MSI2: variants seen among roughly 807,000 people sequenced by gnomAD.
The protein encoded by MSI2 is RNA-binding protein Musashi homolog 2.
Under a neutral mutation model 45.6 loss-of-function variants are expected in MSI2, and 17 were observed. The observed-to-expected ratio is 0.37, with a 90% CI of 0.26 to 0.56. MSI2 has a LOEUF of 0.56. MSI2 is among the 20% of genes least tolerant of loss of function. MSI2 has a pLI of 0.77. For synonymous variants in MSI2, 156 were observed against 158.2 expected, an observed-to-expected ratio of 0.99 and a Z score of 0.11; for missense variants, 293 against 444.2, an observed-to-expected ratio of 0.66 and a Z score of 3.06.
chr17:57,433,916 C>T (rs370807814), intron 6 of MSI2, among the ~76,000 whole-genome samples: 58 of 152,162 alleles, frequency 3.8e-4, no homozygotes, highest in African/African-American at 1.4e-3. Flanking sequence ...TGGGGAAATA[C>T]AATGTGATGT....
intron 5 of MSI2, among the ~76,000 whole-genome samples, chr17:57,385,420 C>T (rs1020187849): frequency 1.3e-5 from 2 of 152,180 alleles, no homozygotes; most frequent in Non-Finnish European, 2.9e-5. Flanking sequence ...GCCCTTCTCT[C>T]TTGTCTTCCT....
intron 5 of MSI2, among the ~76,000 whole-genome samples, chr17:57,286,596 C>T (rs975667769): frequency 6.6e-6 from 1 of 151,896 alleles, no homozygotes; most frequent in Non-Finnish European, 1.5e-5. Context: ...GAGGTGACCA[C>T]GTCATTGGTA....
Position 57,280,751 on chromosome 17 carries a change from ATACT to A in MSI2, c.312+18561_312+18564del, listed in dbSNP as rs553093671. The stretch of plus-strand genomic sequence containing the variant: ...ATATTTATTTATAAATGACATACAT[ATACT>A]TCTGTACTAAAATAGCATGCTCCTA... On this transcript the variant is annotated intron_variant, in intron 5 of 13. Coordinates refer to ENST00000284073, the MANE Select transcript of MSI2 (RefSeq NM_138962.4). This position sits in a 1 kb window ranked among gnomAD's most constrained non-coding sequence, Gnocchi z 4.2. 2.1e-3 allele frequency among the ~76,000 whole-genome samples: 325 copies of A among 152,348 alleles called. No individual in the cohort carries two copies. The highest frequency in any genetic ancestry group is 2.7e-3 in the Non-Finnish European group (185 of 68,036).
In MSI2 at chr17:57,313,328, G is replaced by A. The variant is rs367681947; in HGVS notation, c.312+51136G>A. On this transcript the variant is annotated intron_variant, in intron 5 of 13. Transcript: ENST00000284073. ...ACGTCCACACTCGGAAGATGGTAAA[G>A]CAACAGTCCAAATCTGCTTTCACTC... 2.9e-3 allele frequency among the ~76,000 whole-genome samples: 447 copies of A among 152,268 alleles called. 2 individuals are homozygous for A. Among genetic ancestry groups the A allele is most frequent in the Non-Finnish European group, 5.4e-3 (368 of 68,020 alleles).
intron 7 of MSI2, among the ~76,000 whole-genome samples, chr17:57,592,015 A>G (rs1227853350): frequency 6.6e-6 from 1 of 152,016 alleles, no homozygotes; most frequent in Non-Finnish European, 1.5e-5. Flanking sequence ...TCTACTAAAA[A>G]TACAAAATTA....
chr17:57,511,393 C>T (rs1214753345), intron 6 of MSI2, among the ~76,000 whole-genome samples: 3 of 152,200 alleles, frequency 2.0e-5, no homozygotes, highest in Non-Finnish European at 4.4e-5. Context: ...TACCGCCACC[C>T]ACCCCACACT....
Position 57,652,121 on chromosome 17 carries a change from A to G in MSI2, c.750A>G (p.Gly250=), listed in dbSNP as rs1368603384. 15 of 1,613,888 alleles carry G rather than the reference A, an allele frequency of 9.3e-6. No homozygotes were observed. Among genetic ancestry groups the G allele is most frequent in the Non-Finnish European group, 1.3e-5 (15 of 1,179,998 alleles). ...CAGGCTTCCCAGCAGCGGCTTATGG[A>G]CCAGTGGCAGCAGCGGCGGTGGCGG... ...QFPGFPAAAY[G]PVAAAAVAAA... Residue 250 remains glycine (G), a synonymous_variant, in exon 11 of 14, where the codon GGA becomes GGG. Coordinates refer to ENST00000284073, the MANE Select transcript of MSI2 (RefSeq NM_138962.4). The surrounding 1 kb of genome is among the most constrained non-coding windows in gnomAD (Gnocchi z 4.1).
intron 9 of MSI2, among the ~76,000 whole-genome samples, chr17:57,621,538 G>A (rs1160583877): frequency 6.6e-6 from 1 of 152,236 alleles, no homozygotes; most frequent in Non-Finnish European, 1.5e-5. Context: ...ACTTCAGGGA[G>A]CTGACATTCT....
At chr17:57,570,540 C>T (rs2087850356) in intron 7 of MSI2, among the ~76,000 whole-genome samples, 1 of 152,116 alleles carries the variant, frequency 6.6e-6, no homozygotes, top group African/African-American at 2.4e-5. Context: ...GCTGGAGACC[C>T]AAGTCGAATC....
At chr17:57,438,416 TCCTC>T (rs2084731760) in intron 6 of MSI2, among the ~76,000 whole-genome samples, 1 of 152,122 alleles carries the variant, frequency 6.6e-6, no homozygotes, top group African/African-American at 2.4e-5. Context: ...TACCCCTTCT[TCCTC>T]CATCCCCTCC....
Position 57,613,756 on chromosome 17 carries a change from C to A in MSI2, c.538-2214C>A, listed in dbSNP as rs183402640. Among the ~76,000 whole-genome samples, 379 of 152,304 alleles carry A rather than the reference C, an allele frequency of 2.5e-3. 3 individuals are homozygous for A. The highest frequency in any genetic ancestry group is 0.011 in the Admixed American group (175 of 15,292). On this transcript the variant is annotated intron_variant, in intron 8 of 13. Coordinates refer to ENST00000284073, the MANE Select transcript of MSI2 (RefSeq NM_138962.4). ...GTGAATTGTCTACTCCTGTCTTTTA[C>A]CCATGTCTGTTTTGGGATGCTCATC...
intron 12 of MSI2, among the ~76,000 whole-genome samples, chr17:57,676,215 TAC>T (rs1205038911): frequency 1.3e-5 from 2 of 152,204 alleles, no homozygotes; most frequent in Admixed American, 6.5e-5. Context: ...TCCTCCCTCA[TAC>T]ACACACTCAC....
chr17:57,513,425 C>T (rs559559582), intron 6 of MSI2, among the ~76,000 whole-genome samples: 1 of 152,328 alleles, frequency 6.6e-6, no homozygotes, highest in East Asian at 1.9e-4. Flanking sequence ...GAGTCTAGCT[C>T]TAGAGTTTCT....
intron 7 of MSI2, among the ~76,000 whole-genome samples, chr17:57,578,708 G>C (rs1221231903): frequency 6.6e-6 from 1 of 152,130 alleles, no homozygotes; most frequent in Non-Finnish European, 1.5e-5. Context: ...GGCCAGCAGT[G>C]TGGGTTGGTG....
chr17:57,349,691 A>T (rs1302196983), intron 5 of MSI2, among the ~76,000 whole-genome samples: 2 of 152,242 alleles, frequency 1.3e-5, no homozygotes, highest in African/African-American at 4.8e-5. Context: ...CAGTTTTATG[A>T]CAGGAGTCAA....
intron 5 of MSI2, among the ~76,000 whole-genome samples, chr17:57,311,782 C>T (rs1457031972): frequency 6.6e-6 from 1 of 152,098 alleles, no homozygotes; most frequent in African/African-American, 2.4e-5. Context: ...TCTCAAACTC[C>T]TGGCCTCAAG....
At chr17:57,275,494 A>G (rs1467615041) in intron 5 of MSI2, among the ~76,000 whole-genome samples, 1 of 152,216 alleles carries the variant, frequency 6.6e-6, no homozygotes, top group Non-Finnish European at 1.5e-5. Context: ...AGATTGGTAG[A>G]GCTCAGGAAA....
chr17:57,531,134 A>G (rs948170548), intron 7 of MSI2, among the ~76,000 whole-genome samples: 2 of 152,186 alleles, frequency 1.3e-5, no homozygotes, highest in African/African-American at 4.8e-5. Flanking sequence ...CTCCATCATC[A>G]TCCACATTCT....
chr17:57,318,970 G>A (rs1323261212), intron 5 of MSI2, among the ~76,000 whole-genome samples: 1 of 152,216 alleles, frequency 6.6e-6, no homozygotes, highest in Non-Finnish European at 1.5e-5. Context: ...TGTGGCTCCA[G>A]GGCCAGCCCA....
Sources: gnomAD v4.1 joint callset for allele counts (sites outside exome capture counted in the v4.1 genomes callset) on GRCh38, gnomAD v4.1.1 for gene constraint, Gnocchi (gnomAD v3.1) non-coding constraint, MANE v1.5 for transcripts, NCBI Gene and HGNC (gene_info 2026-07-23, HGNC 2026-07-21) for gene names.